Variants in HIVEP3 observed in about 807,000 individuals in gnomAD.
The protein encoded by HIVEP3 is transcription factor HIVEP3.
Under a neutral mutation model 152.8 loss-of-function variants are expected in HIVEP3, and 49 were observed. That is an observed-to-expected ratio of 0.32 (90% CI 0.26 to 0.41). The LOEUF is 0.41. Ranked by LOEUF, HIVEP3 falls within the 10% of genes least tolerant of loss-of-function variation. The probability of loss-of-function intolerance (pLI) is 1.00; values close to 1 mark genes in which losing one functional copy is unlikely to be tolerated. For missense variants in HIVEP3, 2,790 were observed against 3,103.3 expected (o/e 0.90, Z 2.40); for synonymous variants, 1,269 against 1,289.0 (o/e 0.98, Z 0.33).
rs965423687 is a variant in HIVEP3, at chr1:41,918,125, GC to G, written c.-801+287del. Among the ~76,000 whole-genome samples, 5 of 151,350 alleles carry G rather than the reference GC, an allele frequency of 3.3e-5. No individual in the cohort carries two copies. Among genetic ancestry groups the G allele is most frequent in the Non-Finnish European group, 5.9e-5 (4 of 67,840 alleles). ...TTACAGCCCCGCCGCCGCCGCCGCCGCCGCCGCCTGTGATTGACGCGCGGGG... is the reference window on the plus strand; with the variant it reads ...TTACAGCCCCGCCGCCGCCGCCGCCGCGCCGCCTGTGATTGACGCGCGGGG... On this transcript the variant is annotated intron_variant, in intron 1 of 8. Coordinates refer to ENST00000372583, the MANE Select transcript of HIVEP3 (RefSeq NM_024503.5). This position sits in a 1 kb window ranked among gnomAD's most constrained non-coding sequence, Gnocchi z 4.3.
In HIVEP3 at chr1:41,580,655, A is replaced by G. The variant is rs753158755; in HGVS notation, c.4143T>C (p.Ser1381=). The G allele has an allele frequency of 6.2e-7, 1 of 1,614,078 alleles. No homozygotes were observed. Among genetic ancestry groups the G allele is most frequent in the Non-Finnish European group, 8.5e-7 (1 of 1,180,000 alleles). ...ADVHEVGPGP[S]GLSEEQSRAF... ...CTCTGCTTTGCTCTTCACTTAACCC[A>G]GAAGGGCCGGGCCCAACCTCATGCA... Residue 1381 remains serine (S), a synonymous_variant, in exon 4 of 9, where the codon TCT becomes TCC. Transcript: ENST00000372583.
Position 41,512,869 on chromosome 1 carries a change from G to A in HIVEP3, c.6352C>T (p.Pro2118Ser), listed in dbSNP as rs1642472773. The change falls in exon 8 of 9, where the codon CCT (proline) becomes TCT (serine). Residue 2118 changes from proline to serine, a missense_variant. By Grantham distance (74) the Pro-to-Ser change is moderately conservative (BLOSUM62 -1). This residue lies in a region of HIVEP3 where 816 missense variants were observed against 806.5 expected (regional missense o/e 1.01). Transcript: ENST00000372583. Reference sequence around the variant, plus strand: ...CTGCTGAGGAGCTTGTGAGGTAGAGGCGCGGGCGGGAAGAGAACCCGTGGG... The same window carrying A: ...CTGCTGAGGAGCTTGTGAGGTAGAGACGCGGGCGGGAAGAGAACCCGTGGG... ...LDPRVLFPPA[P>S]LPHKLLSRSP... is the part of the protein sequence containing the mutation. 2 of 1,551,050 alleles carry A rather than the reference G, an allele frequency of 1.3e-6. No individual in the cohort carries two copies. Among genetic ancestry groups the A allele is most frequent in the Middle Eastern group, 1.8e-4 (1 of 5,576 alleles).
At chr1:41,818,637 C>T (rs1642485775) in intron 1 of HIVEP3, among the ~76,000 whole-genome samples, 1 of 152,118 alleles carries the variant, frequency 6.6e-6, no homozygotes. Flanking sequence ...GTTGTGGGGA[C>T]ATTGGACATA....
chr1:41,783,904 G>T (rs1649196028), intron 1 of HIVEP3, among the ~76,000 whole-genome samples: 1 of 152,244 alleles, frequency 6.6e-6, no homozygotes. Flanking sequence ...CAAAAAGGGT[G>T]CAGCAGGGTG....
At chr1:41,927,922 G>C (rs531056413) in intron 1 of HIVEP3, among the ~76,000 whole-genome samples, 1 of 152,010 alleles carries the variant, frequency 6.6e-6, no homozygotes, top group South Asian at 2.1e-4. Flanking sequence ...TTAGCCAGGC[G>C]TGGTGACGTG....
rs147434683 is a variant in HIVEP3, at chr1:41,521,284, C to T, written c.5384-2796G>A. Among the ~76,000 whole-genome samples the T allele has an allele frequency of 9.3e-3, 1,418 of 152,340 alleles. 11 individuals carry two copies. The highest frequency in any genetic ancestry group is 0.022 in the African/African-American group (921 of 41,584). Reference sequence around the variant, plus strand: ...ATTGAGCAGCCCAGGGGCTCTGCCACGCACCATGCTGGGTGTGGAGGAAGA... The same window carrying T: ...ATTGAGCAGCCCAGGGGCTCTGCCATGCACCATGCTGGGTGTGGAGGAAGA... On this transcript the variant is annotated intron_variant, in intron 6 of 8. Coordinates refer to ENST00000372583, the MANE Select transcript of HIVEP3 (RefSeq NM_024503.5).
chr1:41,753,670 AAAATAAAT>A (rs3064234), intron 1 of HIVEP3, among the ~76,000 whole-genome samples: 2,401 of 141,054 alleles, frequency 0.017, 37 homozygotes, highest in Non-Finnish European at 0.026. Flanking sequence ...CGCCGTCTCA[AAAATAAAT>A]AAATAAATAA....
At chr1:41,935,392 C>T (rs1645015413) in intron 1 of HIVEP3, among the ~76,000 whole-genome samples, 1 of 152,088 alleles carries the variant, frequency 6.6e-6, no homozygotes, top group African/African-American at 2.4e-5. Flanking sequence ...TGAGTATTTC[C>T]TGCTGTCATT....
chr1:42,031,221 C>T (rs1256325038), intron 1 of HIVEP3, among the ~76,000 whole-genome samples: 2 of 152,318 alleles, frequency 1.3e-5, no homozygotes, highest in East Asian at 3.9e-4. Context: ...GCCTCTTCCT[C>T]CTACAACGTC....
Position 41,511,054 on chromosome 1 carries a change from C to A in HIVEP3, c.6618G>T (p.Arg2206=). The A allele has an allele frequency of 6.2e-7, 1 of 1,613,968 alleles. No homozygotes were observed. Among genetic ancestry groups the A allele is most frequent in the Non-Finnish European group, 8.5e-7 (1 of 1,179,942 alleles). ...PIGGIQMVQA[R]PGAHPTLLPG... The stretch of plus-strand genomic sequence containing the variant: ...GCAGCAGGGTGGGGTGGGCTCCTGG[C>A]CGGGCCTGCACCATCTGGATCCCAC... The change falls in exon 9 of 9, where the codon CGG becomes CGT. Residue 2206 remains arginine, a synonymous_variant. Coordinates refer to ENST00000372583, the MANE Select transcript of HIVEP3 (RefSeq NM_024503.5). This position sits in a 1 kb window ranked among gnomAD's most constrained non-coding sequence, Gnocchi z 4.9.
chr1:41,977,014 C>G (rs936135348), intron 1 of HIVEP3, among the ~76,000 whole-genome samples: 2 of 152,140 alleles, frequency 1.3e-5, no homozygotes, highest in Non-Finnish European at 2.9e-5. Flanking sequence ...GAGACTAATA[C>G]AACAGCAGTA....
At chr1:41,924,760 G>A (rs1644959579) in intron 1 of HIVEP3, among the ~76,000 whole-genome samples, 1 of 152,196 alleles carries the variant, frequency 6.6e-6, no homozygotes, top group South Asian at 2.1e-4. Flanking sequence ...TTATGCAGCT[G>A]TAGTCTCTGT....
intron 1 of HIVEP3, among the ~76,000 whole-genome samples, chr1:41,933,652 A>G (rs547125959): frequency 3.3e-5 from 5 of 152,158 alleles, no homozygotes; most frequent in Non-Finnish European, 5.9e-5. Context: ...TGTTTAGACC[A>G]TTCACATTTA....
intron 1 of HIVEP3, among the ~76,000 whole-genome samples, chr1:41,885,559 G>A (rs1395404340): frequency 2.0e-5 from 3 of 152,178 alleles, no homozygotes; most frequent in Non-Finnish European, 4.4e-5. Flanking sequence ...CCAGCTACGC[G>A]GAGGCTGAGG....
At chr1:41,729,445 A>G (rs1646805555) in intron 1 of HIVEP3, among the ~76,000 whole-genome samples, 1 of 152,168 alleles carries the variant, frequency 6.6e-6, no homozygotes, top group South Asian at 2.1e-4. Flanking sequence ...TCACTCCCTC[A>G]ACTCTATGTC....
chr1:41,571,221 A>G lies in HIVEP3; in HGVS notation c.5207+4323T>C, dbSNP rs191537710. ...CTTGGTCAGCCAGGTGGTTCCTATC[A>G]ATTCCAGTCTCTTCCTCTTCCGTGT... is the stretch of plus-strand genomic sequence containing the variant. On this transcript the variant is annotated intron_variant, in intron 5 of 8. Coordinates refer to ENST00000372583, the MANE Select transcript of HIVEP3 (RefSeq NM_024503.5). Among the ~76,000 whole-genome samples, 282 of 152,346 alleles carry G rather than the reference A, an allele frequency of 1.9e-3. 1 individual carries two copies. Among genetic ancestry groups the G allele is most frequent in the African/African-American group, 6.4e-3 (266 of 41,588 alleles).
intron 5 of HIVEP3, among the ~76,000 whole-genome samples, chr1:41,539,056 T>C (rs996426272): frequency 2.0e-5 from 3 of 152,302 alleles, no homozygotes; most frequent in African/African-American, 4.8e-5. Context: ...AAAGGAGTTA[T>C]GTGAATGTAA....
At chr1:41,685,959 C>G (rs1646108147) in intron 2 of HIVEP3, among the ~76,000 whole-genome samples, 1 of 152,212 alleles carries the variant, frequency 6.6e-6, no homozygotes, top group Admixed American at 6.5e-5. Context: ...ATCTGACCAG[C>G]AAATGGACTG....
chr1:41,874,207 C>A (rs1405768354), intron 1 of HIVEP3, among the ~76,000 whole-genome samples: 1 of 152,182 alleles, frequency 6.6e-6, no homozygotes, highest in African/African-American at 2.4e-5. Context: ...TGCCTATTTG[C>A]ATTTTTTATT....
Sources: gnomAD v4.1 joint callset for allele counts (sites outside exome capture counted in the v4.1 genomes callset) on GRCh38, gnomAD v4.1.1 for gene constraint, gnomAD v4.1.1 regional missense constraint, Gnocchi (gnomAD v3.1) non-coding constraint, MANE v1.5 for transcripts, NCBI Gene and HGNC (gene_info 2026-07-23, HGNC 2026-07-21) for gene names.